The following MCF2L variants were observed in gnomAD, a reference collection of about 807,000 sequenced individuals.
The protein encoded by MCF2L is guanine nucleotide exchange factor DBS.
Under a neutral mutation model 153.4 loss-of-function variants are expected in MCF2L, and 97 were observed. That is an observed-to-expected ratio of 0.63 (90% CI 0.54 to 0.75). The LOEUF (loss-of-function observed/expected upper bound fraction) is 0.75, where lower values mean the gene tolerates loss of function less well. Among genes scored for constraint, MCF2L ranks in the 30% least tolerant of loss-of-function variants. The probability of loss-of-function intolerance (pLI) is 0.00; values close to 1 mark genes in which losing one functional copy is unlikely to be tolerated. For synonymous variants in MCF2L, 659 were observed against 632.2 expected (o/e 1.04, Z -0.64); for missense variants, 1,347 against 1,495.2 (o/e 0.90, Z 1.64).
intron 2 of MCF2L, chr13:112,917,176 A>G (rs768005930): frequency 2.8e-5 from 13 of 471,066 alleles, no homozygotes; most frequent in Non-Finnish European, 5.7e-5. Context: ...CCTAGTCCAC[A>G]GCTCCAGTCC....
chr13:113,066,002 G>A (rs375611650), intron 7 of MCF2L, 44 bp from the exon 8 acceptor site: 5 of 1,599,202 alleles, frequency 3.1e-6, no homozygotes, highest in South Asian at 2.2e-5. Context: ...CCTGCGCTGT[G>A]TGCCTGGACG....
At chr13:112,992,665 G>A (rs755252203) in intron 1 of MCF2L, among the ~76,000 whole-genome samples, 5 of 152,316 alleles carry the variant, frequency 3.3e-5, no homozygotes, top group Admixed American at 6.5e-5. Context: ...GCCCAGTCTC[G>A]TTTTTGTGAA....
rs1401311462 is a variant in MCF2L at position 113,076,102 on chromosome 13, A to G, written c.1445A>G (p.Gln482Arg). ...FLETGAENKIQELNAIYKEYE... is the reference protein window; with the variant it reads ...FLETGAENKIRELNAIYKEYE... ...GAGACCGGTGCGGAAAATAAGATCC[A>G]GGAGCTCAACGCGATTTACAAGGAA... The change falls in exon 12 of 30, where the codon CAG becomes CGG. Residue 482 changes from glutamine (Q) to arginine (R), a missense_variant. Physicochemically the swap from Gln to Arg is conservative, Grantham distance 43. Coordinates refer to ENST00000535094, the MANE Select transcript of MCF2L (RefSeq NM_001112732.3). The G allele has an allele frequency of 1.2e-6, 2 of 1,613,948 alleles. No homozygotes were observed. Among genetic ancestry groups the G allele is most frequent in the Non-Finnish European group, 1.7e-6 (2 of 1,180,038 alleles).
chr13:113,014,690 G>A (rs914585558), intron 1 of MCF2L, 73 bp from the exon 2 acceptor site: 1 of 1,276,036 alleles, frequency 7.8e-7, no homozygotes, highest in African/African-American at 1.5e-5. Context: ...AGCTCCGTGT[G>A]GGATCGGGTG....
chr13:113,076,052 C>A lies in MCF2L; in HGVS notation c.1395C>A (p.Ala465=), dbSNP rs1166558401. 6.2e-7 allele frequency: 1 copy of A among 1,613,942 alleles called. No homozygotes were observed. The highest frequency in any genetic ancestry group is 1.3e-5 in the African/African-American group (1 of 74,922). The change falls in exon 12 of 30, where the codon GCC becomes GCA. Residue 465 remains alanine, a synonymous_variant. Transcript: ENST00000535094. ...AGTCCCAGGACGGCGCGGAGGCTGC[C>A]CTCCAGGAAATCGAGAAGTTTTTGG... is the stretch of plus-strand genomic sequence containing the variant. ...KCQSQDGAEA[A]LQEIEKFLET... is the part of the protein sequence containing the mutation.
intron 2 of MCF2L, among the ~76,000 whole-genome samples, chr13:112,955,249 C>A (rs1251025125): frequency 6.6e-6 from 1 of 151,890 alleles, no homozygotes; most frequent in Non-Finnish European, 1.5e-5. Flanking sequence ...CCTAAACCTG[C>A]ATCAGAGCAG....
chr13:113,094,337 G>C (rs1480337402), intron 26 of MCF2L, 177 bp from the exon 27 acceptor site: 1 of 506,712 alleles, frequency 2.0e-6, no homozygotes, highest in African/African-American at 2.0e-5. Context: ...AGGCATTCTG[G>C]AAGTTTGCAG....
chr13:113,007,616 G>T (rs911366286), intron 1 of MCF2L, among the ~76,000 whole-genome samples: 2 of 152,254 alleles, frequency 1.3e-5, no homozygotes, highest in African/African-American at 4.8e-5. Flanking sequence ...AGTGAAACAC[G>T]CAGTGCGGGG....
Position 112,924,276 on chromosome 13 carries a change from G to A in MCF2L, c.169+21905G>A, listed in dbSNP as rs376200002. Reference sequence around the variant, plus strand: ...CCCCCACACGCAGCTGGGCTACAGAGACAGCACAGACACGGGAGTTTACCT... The same window carrying A: ...CCCCCACACGCAGCTGGGCTACAGAAACAGCACAGACACGGGAGTTTACCT... On this transcript the variant is annotated intron_variant, in intron 2 of 29. Transcript: ENST00000375608. Among the ~76,000 whole-genome samples, 20 of 152,198 alleles carry A rather than the reference G, an allele frequency of 1.3e-4. No homozygotes were observed. In the East Asian group the frequency reaches 1.9e-3, roughly 15 times the overall value.
Position 113,097,134 on chromosome 13 carries a change from T to G in MCF2L, c.*275T>G. 3.1e-6 allele frequency: 1 copy of G among 323,716 alleles called. No individual in the cohort carries two copies. 20.1% of individuals were successfully genotyped at this position (323,716 alleles called of 1,614,324 possible). ...CCGGGCAGCGGCATCTCGTCCTGGC[T>G]CCACCGTGCTGCTTCTGCCTCTGGA... On this transcript the variant is annotated 3_prime_UTR_variant, in exon 30 of 30. Transcript: ENST00000535094.
chr13:113,079,289 G>A (rs937513331), intron 15 of MCF2L, among the ~76,000 whole-genome samples: 12 of 152,276 alleles, frequency 7.9e-5, no homozygotes, highest in Non-Finnish European at 1.6e-4. Flanking sequence ...CCTCACTGGT[G>A]CAGGGCCAGG....
chr13:112,944,485 A>G (rs1261924286), intron 2 of MCF2L, among the ~76,000 whole-genome samples: 2 of 150,876 alleles, frequency 1.3e-5, no homozygotes, highest in East Asian at 1.9e-4. Context: ...CGTTCCTAGT[A>G]TGCGTTCCAG....
chr13:112,897,102 T>G (rs1318175339), intron 1 of MCF2L, among the ~76,000 whole-genome samples: 1 of 152,208 alleles, frequency 6.6e-6, no homozygotes, highest in East Asian at 1.9e-4. Flanking sequence ...AGTGGCACTT[T>G]GAGAATTTCA....
Position 113,031,144 on chromosome 13 carries a change from CAGAG to C in MCF2L, c.278+6392_278+6395del, listed in dbSNP as rs1378701588. Among the ~76,000 whole-genome samples, 41 of 146,726 alleles carry C rather than the reference CAGAG, an allele frequency of 2.8e-4. 1 individual carries two copies. Among genetic ancestry groups the C allele is most frequent in the Admixed American group, 2.0e-3 (30 of 14,740 alleles). On this transcript the variant is annotated intron_variant, in intron 3 of 29. Transcript: ENST00000535094. This position sits in a 1 kb window ranked among gnomAD's most constrained non-coding sequence, Gnocchi z 5.5. ...AGAGTGACAGAGAGACAGACAGAGACAGAGAGAGACAGAGAGAAGAGACAGAGAG... is the reference window on the plus strand; with the variant it reads ...AGAGTGACAGAGAGACAGACAGAGACAGAGACAGAGAGAAGAGACAGAGAG...
intron 1 of MCF2L, among the ~76,000 whole-genome samples, chr13:112,994,340 G>A (rs1253640853): frequency 1.3e-5 from 2 of 152,162 alleles, no homozygotes; most frequent in East Asian, 1.9e-4. Context: ...CCGGTGTCTC[G>A]GGCGGGGGCC....
intron 3 of MCF2L, among the ~76,000 whole-genome samples, chr13:113,025,712 C>T (rs113930896): frequency 0.025 from 1,460 of 59,554 alleles, 23 homozygotes; most frequent in Middle Eastern, 0.07. Flanking sequence ...GACTGTGGGT[C>T]GGGGCAGAGT....
chr13:113,091,796 G>A (rs1566885005), intron 26 of MCF2L, among the ~76,000 whole-genome samples: 1 of 152,198 alleles, frequency 6.6e-6, no homozygotes, highest in Non-Finnish European at 1.5e-5. Context: ...ACCTCCCCTG[G>A]CCTGTTGAGG....
At chr13:112,927,417 T>C (rs1202320093) in intron 2 of MCF2L, among the ~76,000 whole-genome samples, 2 of 152,178 alleles carry the variant, frequency 1.3e-5, no homozygotes, top group Non-Finnish European at 2.9e-5. Context: ...GAGAGCCCAG[T>C]TGTGGTCTCC....
intron 25 of MCF2L, among the ~76,000 whole-genome samples, chr13:113,089,180 C>T (rs868112082): frequency 4.3e-5 from 5 of 116,566 alleles, no homozygotes; most frequent in East Asian, 3.0e-4. Flanking sequence ...CCCCCCCCCC[C>T]GCCCCCCGAA....
Sources: allele counts gnomAD v4.1 joint callset (sites outside exome capture counted in the v4.1 genomes callset), GRCh38; gene constraint gnomAD v4.1.1; non-coding constraint Gnocchi (gnomAD v3.1); transcripts MANE v1.5; gene names NCBI Gene and HGNC (gene_info 2026-07-23, HGNC 2026-07-21).